Variants in VAMP4 observed in about 807,000 individuals in gnomAD.
VAMP4 encodes vesicle associated membrane protein 4.
Under a neutral mutation model 23.5 loss-of-function variants are expected in VAMP4, and 19 were observed. The ratio of observed to expected loss-of-function variants is 0.81; its 90% CI spans 0.56 to 1.19. The LOEUF (loss-of-function observed/expected upper bound fraction) is 1.19. VAMP4 is among the 50% of genes most tolerant of loss of function. VAMP4 has a pLI of 0.00. For missense variants in VAMP4, 145 were observed against 168.6 expected, an observed-to-expected ratio of 0.86 and a Z score of 0.78; for synonymous variants, 31 against 51.0, an observed-to-expected ratio of 0.61 and a Z score of 1.67.
Position 171,700,801 on chromosome 1 carries a change from G to A in VAMP4, c.*3705C>T, listed in dbSNP as rs973007371. The A allele has an allele frequency of 6.6e-6, 1 of 152,160 alleles. No homozygotes were observed. The highest frequency in any genetic ancestry group is 2.4e-5 in the African/African-American group (1 of 41,430). 9.4% of individuals were successfully genotyped at this position (152,160 alleles called of 1,614,324 possible). A position where few individuals can be genotyped will look rare whatever the true frequency, so the allele number is the denominator to read the frequency against. On this transcript the variant is annotated 3_prime_UTR_variant, in exon 8 of 8. Transcript: ENST00000236192. ...TTCACAGCACTGTGCTGGGTGCTGG[G>A]GAGACAGAAACATGGTGTGGTGCTT...
In VAMP4 at chr1:171,740,502, T is replaced by G. The variant is rs147662728; in HGVS notation, c.-50+1408A>C. On this transcript the variant is annotated intron_variant, in intron 1 of 7. Transcript: ENST00000236192. The stretch of plus-strand genomic sequence containing the variant: ...TAAGAAATGCTTCCAAATCAGAAAT[T>G]ATTCACTTGTAACAAAAACCAAATT... Among the ~76,000 whole-genome samples, 542 of 152,310 alleles carry G rather than the reference T, an allele frequency of 3.6e-3. 3 individuals carry two copies. Among genetic ancestry groups the G allele is most frequent in the Middle Eastern group, 0.024 (7 of 294 alleles).
rs1021561556 is a variant in VAMP4 at position 171,700,978 on chromosome 1, G to T, written c.*3528C>A. On this transcript the variant is annotated 3_prime_UTR_variant, in exon 8 of 8. Coordinates refer to ENST00000236192, the MANE Select transcript of VAMP4 (RefSeq NM_003762.5). The stretch of plus-strand genomic sequence containing the variant: ...CATCCCTAATTCTACTTGGTTTCCA[G>T]AAGAAAAAAAAAATCAGAATAAGAC... The T allele has an allele frequency of 2.0e-5, 3 of 149,940 alleles. No individual in the cohort carries two copies. The highest frequency in any genetic ancestry group is 7.4e-5 in the African/African-American group (3 of 40,766). 9.3% of individuals were successfully genotyped at this position (149,940 alleles called of 1,614,324 possible).
At position 171,703,452 on chromosome 1, in the gene VAMP4, T is replaced by TATATATATATATAC. The variant is rs1654537417; in HGVS notation, c.*1053_*1054insGTATATATATATAT. The TATATATATATATAC allele has an allele frequency of 1.0e-5, 1 of 98,600 alleles. No homozygotes were observed. Among genetic ancestry groups the TATATATATATATAC allele is most frequent in the Non-Finnish European group, 2.1e-5 (1 of 47,576 alleles). 6.1% of individuals were successfully genotyped at this position (98,600 alleles called of 1,614,324 possible). A position where few individuals can be genotyped will look rare whatever the true frequency, so the allele number is the denominator to read the frequency against. On this transcript the variant is annotated 3_prime_UTR_variant, in exon 8 of 8. Transcript: ENST00000236192. ...ATATATATATATATATATATATATA[T>TATATATATATATAC]ATATATATATATATATACACATAGG...
rs567238155 is a variant in VAMP4 at position 171,719,577 on chromosome 1, C to A, written c.114-356G>T. ...CTTAACTGCTAGTGAATATTAATAT[C>A]TTTATGGTCAACTGTAGAACTAAAA... On this transcript the variant is annotated intron_variant, in intron 3 of 7. Transcript: ENST00000236192. 6.6e-5 allele frequency among the ~76,000 whole-genome samples: 10 copies of A among 152,148 alleles called. No homozygotes were observed. The South Asian group carries it at 2.1e-3, about 32-fold the overall frequency.
chr1:171,738,325 TA>T, intron 2 of VAMP4, 23 bp downstream of exon 2: 1 of 1,609,450 alleles, frequency 6.2e-7, no homozygotes, highest in African/African-American at 1.3e-5. Flanking sequence ...CTTTTGTTTT[TA>T]AAGCTTAAGA....
intron 2 of VAMP4, among the ~76,000 whole-genome samples, chr1:171,731,122 C>T (rs529075087): frequency 1.3e-5 from 2 of 152,014 alleles, no homozygotes; most frequent in African/African-American, 4.8e-5. Flanking sequence ...GTATCTTTTA[C>T]GTGCTTCTAT....
rs186948293 is a variant in VAMP4 at position 171,725,533 on chromosome 1, T to C, written c.113+2991A>G. ...AGGCTTTTCACCACAAGTAGCATTG[T>C]AGGCAATTCACTTTGTGACTCTATA... On this transcript the variant is annotated intron_variant, in intron 3 of 7. Transcript: ENST00000236192. Among the ~76,000 whole-genome samples the C allele has an allele frequency of 2.6e-3, 401 of 152,304 alleles. 4 individuals are homozygous for C. The highest frequency in any genetic ancestry group is 8.7e-3 in the African/African-American group (361 of 41,572).
At chr1:171,711,986 C>G (rs1005977577) in intron 4 of VAMP4, among the ~76,000 whole-genome samples, 1 of 152,028 alleles carries the variant, frequency 6.6e-6, no homozygotes, top group Non-Finnish European at 1.5e-5. Context: ...ACATGCTGTA[C>G]GGGTTTGTAG....
chr1:171,708,128 G>C (rs1389198038), intron 6 of VAMP4, among the ~76,000 whole-genome samples: 2 of 151,722 alleles, frequency 1.3e-5, no homozygotes, highest in Admixed American at 1.3e-4. Context: ...GTGAAACCCC[G>C]TCTCTACTAA....
intron 7 of VAMP4, among the ~76,000 whole-genome samples, chr1:171,705,877 A>G (rs1654632075): frequency 6.6e-6 from 1 of 152,142 alleles, no homozygotes. Context: ...TTAATGATGG[A>G]AATTATGCTC....
At chr1:171,730,686 G>A (rs1421557450) in intron 2 of VAMP4, among the ~76,000 whole-genome samples, 1 of 144,284 alleles carries the variant, frequency 6.9e-6, no homozygotes, top group South Asian at 2.4e-4. Flanking sequence ...AAGAGAGAGG[G>A]AAGGAGGGGG....
At chr1:171,707,799 C>T (rs556094299) in intron 6 of VAMP4, among the ~76,000 whole-genome samples, 14 of 152,076 alleles carry the variant, frequency 9.2e-5, no homozygotes, top group East Asian at 3.9e-4. Flanking sequence ...CTTAAAAGCA[C>T]GCTATTCCTC....
rs368404312 is a variant in VAMP4, at chr1:171,738,429, A to G, written c.-15T>C. 18 of 1,613,688 alleles carry G rather than the reference A, an allele frequency of 1.1e-5. No individual in the cohort carries two copies. Among genetic ancestry groups the G allele is most frequent in the Non-Finnish European group, 1.5e-5 (18 of 1,179,778 alleles). On this transcript the variant is annotated 5_prime_UTR_variant, in exon 2 of 8. Coordinates refer to ENST00000236192, the MANE Select transcript of VAMP4 (RefSeq NM_003762.5). The stretch of plus-strand genomic sequence containing the variant: ...TTGGGAGGCATATTTTTTACTTGCA[A>G]AGTATCTTTTGCTTCTCAACAGGAT...
intron 7 of VAMP4, 39 bp from the exon 8 acceptor site, chr1:171,704,573 C>T: frequency 7.0e-7 from 1 of 1,435,386 alleles, no homozygotes. Flanking sequence ...ATATCAACAT[C>T]AGATATATAT....
At chr1:171,738,318 T>C (rs772807547) in intron 2 of VAMP4, 31 bp downstream of exon 2, 2 of 1,607,254 alleles carry the variant, frequency 1.2e-6, no homozygotes, top group Admixed American at 3.4e-5. Flanking sequence ...TTTGAATCTT[T>C]TGTTTTTAAA....
chr1:171,724,732 T>C (rs1465257529), intron 3 of VAMP4, among the ~76,000 whole-genome samples: 2 of 152,146 alleles, frequency 1.3e-5, no homozygotes, highest in African/African-American at 4.8e-5. Flanking sequence ...AAAATTTATA[T>C]GAAAATGCTT....
intron 5 of VAMP4, among the ~76,000 whole-genome samples, chr1:171,710,065 T>C (rs573328934): frequency 1.2e-4 from 18 of 152,132 alleles, no homozygotes; most frequent in Admixed American, 1.0e-3. Flanking sequence ...TCTTTAAAAA[T>C]TCAAATACTT....
At chr1:171,726,292 C>T (rs1418636510) in intron 3 of VAMP4, among the ~76,000 whole-genome samples, 2 of 152,212 alleles carry the variant, frequency 1.3e-5, no homozygotes, top group East Asian at 1.9e-4. Flanking sequence ...CCTTGTGATC[C>T]GCCCGCCTCG....
In VAMP4 at chr1:171,723,728, A is replaced by C. The variant is rs965120538; in HGVS notation, c.114-4507T>G. 2.0e-5 allele frequency among the ~76,000 whole-genome samples: 3 copies of C among 152,328 alleles called. No homozygotes were observed. The East Asian group carries it at 5.8e-4, about 29-fold the overall frequency. On this transcript the variant is annotated intron_variant, in intron 3 of 7. Coordinates refer to ENST00000236192, the MANE Select transcript of VAMP4 (RefSeq NM_003762.5). ...GGGTCCTGAGGCGACATACATCCTCAGCTTACGAAGATGACGGGATTAAGA... is the reference window on the plus strand; with the variant it reads ...GGGTCCTGAGGCGACATACATCCTCCGCTTACGAAGATGACGGGATTAAGA...
Sources: gnomAD v4.1 joint callset for allele counts (sites outside exome capture counted in the v4.1 genomes callset) on GRCh38, gnomAD v4.1.1 for gene constraint, MANE v1.5 for transcripts, NCBI Gene and HGNC (gene_info 2026-07-23, HGNC 2026-07-21) for gene names.